The following TBX5 variants were observed in gnomAD, a reference collection of about 807,000 sequenced individuals.
The protein encoded by TBX5 is T-box transcription factor TBX5.
A neutral mutation model predicts 51.1 loss-of-function variants in TBX5; 8 were observed. That is an observed-to-expected ratio of 0.16 (90% CI 0.09 to 0.28). The LOEUF (loss-of-function observed/expected upper bound fraction) is 0.28, where lower values mean the gene tolerates loss of function less well. TBX5 is among the 10% of genes least tolerant of loss of function. The pLI is 1.00. For synonymous variants in TBX5, 302 were observed against 266.4 expected (o/e 1.13, Z -1.30); for missense variants, 589 against 671.7 (o/e 0.88, Z 1.36).
intron 7 of TBX5, among the ~76,000 whole-genome samples, chr12:114,377,007 GA>G (rs1460247458): frequency 6.6e-6 from 1 of 152,088 alleles, no homozygotes; most frequent in South Asian, 2.1e-4. Flanking sequence ...GATCCTTTCA[GA>G]AAAACATCTC....
chr12:114,361,395 A>G (rs1253074426), intron 8 of TBX5, among the ~76,000 whole-genome samples: 1 of 152,154 alleles, frequency 6.6e-6, no homozygotes, highest in Non-Finnish European at 1.5e-5. Flanking sequence ...CTTTGCTAGA[A>G]TCTTTATTTG....
intron 1 of TBX5, among the ~76,000 whole-genome samples, chr12:114,405,360 G>C (rs1202132378): frequency 2.0e-5 from 3 of 152,186 alleles, no homozygotes; most frequent in African/African-American, 7.2e-5. Context: ...CCCTCGCCAG[G>C]GTCCCGGGGA....
intron 7 of TBX5, among the ~76,000 whole-genome samples, chr12:114,378,622 TTTTGTTTTG>T (rs1161624801): frequency 6.6e-6 from 1 of 151,606 alleles, no homozygotes. Context: ...CTGTTTTCTG[TTTTGTTTTG>T]TTTGTTTTGT....
At chr12:114,404,483 A>T (rs1382142484) in intron 1 of TBX5, among the ~76,000 whole-genome samples, 2 of 151,786 alleles carry the variant, frequency 1.3e-5, no homozygotes, top group Non-Finnish European at 2.9e-5. Flanking sequence ...AAAAAGAAAA[A>T]CACAGAAGGG....
In TBX5 at chr12:114,403,744, C is replaced by G. The variant is rs543467838; in HGVS notation, c.147+8G>C. 3 of 1,612,992 alleles carry G rather than the reference C, an allele frequency of 1.9e-6. No individual in the cohort carries two copies. Among genetic ancestry groups the G allele is most frequent in the East Asian group, 4.5e-5 (2 of 44,864 alleles). The stretch of plus-strand genomic sequence containing the variant: ...TGCAAAGGGACCCGAAGCGCGAGGT[C>G]TCCTTACCTGCTGGGTGAAGGCGGC... On this transcript the variant is annotated splice_region_variant and intron_variant, in intron 2 of 8. Coordinates refer to ENST00000405440, the MANE Select transcript of TBX5 (RefSeq NM_181486.4).
At chr12:114,364,916 C>A (rs765495300) in intron 8 of TBX5, among the ~76,000 whole-genome samples, 15 of 152,172 alleles carry the variant, frequency 9.9e-5, no homozygotes, top group Non-Finnish European at 2.2e-4. Flanking sequence ...AGTCTCCCCA[C>A]CATACCATCT....
At chr12:114,366,006 C>T in intron 8 of TBX5, 159 bp downstream of exon 8, 1 of 865,796 alleles carries the variant, frequency 1.2e-6, no homozygotes, top group Admixed American at 2.1e-5. Flanking sequence ...TTTGTTTTAG[C>T]TGTTTGGTTT....
chr12:114,370,308 A>AAAAC lies in TBX5; in HGVS notation c.756-3918_756-3917insGTTT, dbSNP rs1565929456. ...GAAAAGAAAGAAAAGAAAAGAAAAG[A>AAAAC]AAAGAAAGAAAAGAAAAGAAAAGAG... On this transcript the variant is annotated intron_variant, in intron 7 of 8. Coordinates refer to ENST00000405440, the MANE Select transcript of TBX5 (RefSeq NM_181486.4). 8.0e-4 allele frequency among the ~76,000 whole-genome samples: 118 copies of AAAAC among 147,508 alleles called. 6 individuals carry two copies. Among genetic ancestry groups the AAAAC allele is most frequent in the Non-Finnish European group, 6.6e-4 (44 of 66,168 alleles).
chr12:114,367,406 T>A (rs1869607794), intron 7 of TBX5, among the ~76,000 whole-genome samples: 1 of 152,046 alleles, frequency 6.6e-6, no homozygotes, highest in Non-Finnish European at 1.5e-5. Context: ...GTAAGCATAA[T>A]AAAAATTCCA....
At chr12:114,372,438 G>A (rs868314428) in intron 7 of TBX5, among the ~76,000 whole-genome samples, 20 of 152,062 alleles carry the variant, frequency 1.3e-4, no homozygotes, top group Middle Eastern at 3.4e-3. Context: ...CCAGGTAGCT[G>A]GAACTGTAGG....
chr12:114,401,861 T>C lies in TBX5; in HGVS notation c.207A>G (p.Glu69=). The part of the protein sequence containing the change: ...HERELWLKFH[E]VGTEMIITKA... ...TGGTTATGATCATTTCCGTGCCCAC[T>C]TCGTGGAATTTTAGCCACAGTTCTC... The change falls in exon 3 of 9, where the codon GAA becomes GAG. Residue 69 remains glutamate (E), a synonymous_variant. Transcript: ENST00000405440. 1 of 1,614,194 alleles carries C rather than the reference T, an allele frequency of 6.2e-7. No homozygotes were observed. The highest frequency in any genetic ancestry group is 1.1e-5 in the South Asian group (1 of 91,080).
chr12:114,364,821 G>A (rs1406455231), intron 8 of TBX5, among the ~76,000 whole-genome samples: 1 of 152,162 alleles, frequency 6.6e-6, no homozygotes, highest in Non-Finnish European at 1.5e-5. Context: ...GGCTAGGAGA[G>A]GCTAGAACAC....
upstream of TBX5, chr12:114,407,773 G>A: frequency 1.0e-6 from 1 of 985,472 alleles, no homozygotes; most frequent in Non-Finnish European, 1.2e-6. Flanking sequence ...AGTGCAAAGA[G>A]AAACCTATTT....
intron 5 of TBX5, among the ~76,000 whole-genome samples, chr12:114,395,527 G>GGGT (rs1871368360): frequency 6.6e-6 from 1 of 152,120 alleles, no homozygotes; most frequent in African/African-American, 2.4e-5. Context: ...TGGGGGTCAC[G>GGGT]GGTGATCTGC....
At chr12:114,370,264 A>T (rs1461402852) in intron 7 of TBX5, among the ~76,000 whole-genome samples, 1 of 135,086 alleles carries the variant, frequency 7.4e-6, no homozygotes, top group Non-Finnish European at 1.6e-5. Context: ...AAAAGAAAAG[A>T]AAAGAAAAGA....
rs779273607 is a variant in TBX5 at position 114,355,526 on chromosome 12, C to T, written c.*6G>A. 6.8e-6 allele frequency: 11 copies of T among 1,614,006 alleles called. No homozygotes were observed. The highest frequency in any genetic ancestry group is 9.3e-6 in the Non-Finnish European group (11 of 1,179,952). On this transcript the variant is annotated 3_prime_UTR_variant, in exon 9 of 9. Coordinates refer to ENST00000405440, the MANE Select transcript of TBX5 (RefSeq NM_181486.4). Reference sequence around the variant, plus strand: ...AGGAAATGTCTGTTGTGAAGCAGGCCTCACTTTAGCTATTGTCGCTCCACT... The same window carrying T: ...AGGAAATGTCTGTTGTGAAGCAGGCTTCACTTTAGCTATTGTCGCTCCACT...
chr12:114,403,924 G>C lies in TBX5; in HGVS notation c.-26C>G, dbSNP rs769895888. On this transcript the variant is annotated 5_prime_UTR_variant, in exon 2 of 9. Coordinates refer to ENST00000405440, the MANE Select transcript of TBX5 (RefSeq NM_181486.4). ...GGTGCGCCCAGGGCCCTGTGCCCGCGCAAGGTTCTGCTCTGAGGACAAGAA... is the reference window on the plus strand; with the variant it reads ...GGTGCGCCCAGGGCCCTGTGCCCGCCCAAGGTTCTGCTCTGAGGACAAGAA... 1 of 1,606,684 alleles carries C rather than the reference G, an allele frequency of 6.2e-7. No individual in the cohort carries two copies. The highest frequency in any genetic ancestry group is 1.1e-5 in the South Asian group (1 of 90,790).
At chr12:114,377,559 C>A (rs78238905) in intron 7 of TBX5, among the ~76,000 whole-genome samples, 1 of 138,192 alleles carries the variant, frequency 7.2e-6, no homozygotes, top group African/African-American at 2.7e-5. Context: ...TCCAGTTAAT[C>A]TTTTTTTTTT....
chr12:114,396,821 A>T (rs1233129374), intron 5 of TBX5, among the ~76,000 whole-genome samples: 2 of 152,172 alleles, frequency 1.3e-5, no homozygotes, highest in African/African-American at 4.8e-5. Flanking sequence ...ATACACAGCC[A>T]GGGCGGGTCA....
Sources: allele counts gnomAD v4.1 joint callset (sites outside exome capture counted in the v4.1 genomes callset), GRCh38; gene constraint gnomAD v4.1.1; transcripts MANE v1.5; gene names NCBI Gene and HGNC (gene_info 2026-07-23, HGNC 2026-07-21).